The following PTPN3 variants were observed in gnomAD, a reference collection of about 807,000 sequenced individuals.
PTPN3 encodes the protein protein tyrosine phosphatase non-receptor type 3.
Under a neutral mutation model 132.7 loss-of-function variants are expected in PTPN3, and 96 were observed. That is an observed-to-expected ratio of 0.72 (90% confidence interval 0.61 to 0.86). The LOEUF (loss-of-function observed/expected upper bound fraction) is 0.86, where lower values mean the gene tolerates loss of function less well. Ranked by LOEUF, PTPN3 falls within the 40% of genes least tolerant of loss-of-function variation. The pLI, the probability that PTPN3 is intolerant of heterozygous loss-of-function variation, is 0.00. For missense variants in PTPN3, 1,125 were observed against 1,159.6 expected (o/e 0.97, Z 0.43); for synonymous variants, 398 against 429.0 (o/e 0.93, Z 0.89).
At chr9:109,459,263 G>C (rs902144430) in intron 2 of PTPN3, among the ~76,000 whole-genome samples, 2 of 152,282 alleles carry the variant, frequency 1.3e-5, no homozygotes, top group African/African-American at 4.8e-5. Flanking sequence ...CGCTCCCTGG[G>C]CTGAGAGAAG....
chr9:109,492,861 C>T (rs1381685954), intron 1 of PTPN3, among the ~76,000 whole-genome samples: 3 of 152,198 alleles, frequency 2.0e-5, no homozygotes, highest in African/African-American at 4.8e-5. Context: ...TCAGAGCTTG[C>T]CAGCTCCCGA....
upstream of PTPN3, among the ~76,000 whole-genome samples, chr9:109,498,488 A>G (rs1847793495): frequency 6.6e-6 from 1 of 151,964 alleles, no homozygotes; most frequent in Admixed American, 6.6e-5. The surrounding 1 kb of genome is among the most constrained non-coding windows in gnomAD (Gnocchi z 4.2). Context: ...AGCTCCGGGC[A>G]GGTCCTGAGT....
At chr9:109,433,217 T>C in intron 9 of PTPN3, 56 bp from the exon 10 acceptor site, 1 of 1,604,800 alleles carries the variant, frequency 6.2e-7, no homozygotes, top group Non-Finnish European at 8.5e-7. Context: ...TTATGCCCTC[T>C]GGTGACTTTA....
At chr9:109,526,300 C>G in the PTPN3 span, among the ~76,000 whole-genome samples, 1 of 150,034 alleles carries the variant, frequency 6.7e-6, no homozygotes, top group African/African-American at 2.4e-5. Flanking sequence ...TTAAATTCAT[C>G]TGCAGTTTTA....
chr9:109,450,578 T>C (rs1845182001), intron 5 of PTPN3: 8 of 984,850 alleles, frequency 8.1e-6, no homozygotes, highest in African/African-American at 3.5e-5. Flanking sequence ...GAAACTAGAA[T>C]AGTGGAACCC....
intron 2 of PTPN3, 126 bp downstream of exon 2, chr9:109,463,171 C>T: frequency 9.6e-7 from 1 of 1,044,474 alleles, no homozygotes. Context: ...TCTCAACATA[C>T]AAGATCTGAG....
intron 1 of PTPN3, among the ~76,000 whole-genome samples, chr9:109,470,433 T>C (rs1022736300): frequency 1.3e-5 from 2 of 152,204 alleles, no homozygotes; most frequent in South Asian, 4.1e-4. Context: ...CATTCCAGTC[T>C]GTTTTAAAGC....
the PTPN3 span, among the ~76,000 whole-genome samples, chr9:109,517,574 G>T: frequency 6.6e-6 from 1 of 152,312 alleles, no homozygotes; most frequent in African/African-American, 2.4e-5. Context: ...AAGCCTCATA[G>T]GTATTTGATT....
intron 18 of PTPN3, among the ~76,000 whole-genome samples, chr9:109,404,989 T>C (rs1841440437): frequency 6.6e-6 from 1 of 152,240 alleles, no homozygotes; most frequent in Non-Finnish European, 1.5e-5. Context: ...TTTTTTCATT[T>C]ACTTCCCTAA....
At chr9:109,472,012 A>C (rs1380672787) in intron 1 of PTPN3, among the ~76,000 whole-genome samples, 1 of 152,168 alleles carries the variant, frequency 6.6e-6, no homozygotes, top group East Asian at 1.9e-4. Flanking sequence ...CCCAGAGCTA[A>C]ATAGAGTTTC....
chr9:109,445,321 T>C (rs1275117068), intron 6 of PTPN3, 29 bp from the exon 7 acceptor site: 1 of 1,591,558 alleles, frequency 6.3e-7, no homozygotes, highest in Non-Finnish European at 8.6e-7. Flanking sequence ...ATTAGCAAAG[T>C]CACAAGAACC....
In PTPN3 at chr9:109,467,014, C is replaced by T. The variant is rs1846131465; in HGVS notation, c.-17-3563G>A. Reference sequence around the variant, plus strand: ...AGATAAGGATAGAGAGTCTGAAATACTAATAAAAAAAAAACTTCCTGGGAC... The same window carrying T: ...AGATAAGGATAGAGAGTCTGAAATATTAATAAAAAAAAAACTTCCTGGGAC... On this transcript the variant is annotated intron_variant, in intron 1 of 25. Transcript: ENST00000374541. 2.0e-5 allele frequency among the ~76,000 whole-genome samples: 3 copies of T among 151,486 alleles called. No individual in the cohort carries two copies. In the South Asian group the frequency reaches 6.3e-4, roughly 32 times the overall value.
chr9:109,454,443 G>C (rs1452076138), intron 5 of PTPN3, 53 bp downstream of exon 5: 8 of 1,414,946 alleles, frequency 5.7e-6, no homozygotes, highest in Non-Finnish European at 7.0e-6. Context: ...TACATTTTTA[G>C]TGGTTACTCA....
intron 6 of PTPN3, among the ~76,000 whole-genome samples, chr9:109,448,182 C>T (rs574686270): frequency 3.9e-5 from 6 of 152,276 alleles, no homozygotes; most frequent in Non-Finnish European, 7.3e-5. Context: ...TGGTACAGCA[C>T]GCTGGTAACC....
chr9:109,444,206 G>A (rs1386171659), intron 7 of PTPN3, among the ~76,000 whole-genome samples: 1 of 152,200 alleles, frequency 6.6e-6, no homozygotes, highest in East Asian at 1.9e-4. Flanking sequence ...TAGGTCTGGA[G>A]CTGCAAATGG....
the PTPN3 span, among the ~76,000 whole-genome samples, chr9:109,523,240 G>C: frequency 1.3e-5 from 2 of 151,478 alleles, no homozygotes; most frequent in Non-Finnish European, 2.9e-5. Flanking sequence ...TCAGCCTCCC[G>C]AGTAGCTGGG....
In PTPN3 at chr9:109,415,097, T is replaced by A. The variant is rs533730570; in HGVS notation, c.1314-4682A>T. ...ATCCAACCATCCATCCATCCATCCATCCATCCATCCATCCATCCATCCATC... is the reference window on the plus strand; with the variant it reads ...ATCCAACCATCCATCCATCCATCCAACCATCCATCCATCCATCCATCCATC... On this transcript the variant is annotated intron_variant, in intron 14 of 25. Transcript: ENST00000374541. Among the ~76,000 whole-genome samples, 6 of 95,214 alleles carry A rather than the reference T, an allele frequency of 6.3e-5. No individual in the cohort carries two copies. In the South Asian group the frequency reaches 1.9e-3, roughly 30 times the overall value. The allele number at this position is 95,214 out of a possible 152,430, so 62.5% of individuals were successfully genotyped here. A position where few individuals can be genotyped will look rare whatever the true frequency, so the allele number is the denominator to read the frequency against.
intron 1 of PTPN3, among the ~76,000 whole-genome samples, chr9:109,473,690 T>G (rs2132079263): frequency 6.6e-6 from 1 of 152,178 alleles, no homozygotes; most frequent in Middle Eastern, 3.2e-3. Context: ...AGAAAACTCA[T>G]GCTAAGTATA....
intron 14 of PTPN3, among the ~76,000 whole-genome samples, chr9:109,413,680 C>T (rs931993715): frequency 9.2e-5 from 14 of 152,002 alleles, no homozygotes; most frequent in African/African-American, 2.7e-4. Context: ...TGAGGCAGGA[C>T]GGGGAAGACA....
Sources: gnomAD v4.1 joint callset for allele counts (sites outside exome capture counted in the v4.1 genomes callset) on GRCh38, gnomAD v4.1.1 for gene constraint, Gnocchi (gnomAD v3.1) non-coding constraint, MANE v1.5 for transcripts, NCBI Gene and HGNC (gene_info 2026-07-23, HGNC 2026-07-21) for gene names.